The following PCDHGB2 variants were observed in gnomAD, a reference collection of about 807,000 sequenced individuals.
PCDHGB2 encodes the protein protocadherin gamma subfamily B, 2, also known as protocadherin gamma-B2.
Under a neutral mutation model 59.3 loss-of-function variants are expected in PCDHGB2, and 55 were observed. The ratio of observed to expected loss-of-function variants is 0.93; its 90% CI spans 0.75 to 1.16. The LOEUF (loss-of-function observed/expected upper bound fraction) is 1.16. PCDHGB2 is among the 50% of genes most tolerant of loss of function. The pLI is 0.00. For missense variants in PCDHGB2, 1,228 were observed against 1,198.5 expected (o/e 1.02, Z -0.36); for synonymous variants, 516 against 512.0 (o/e 1.01, Z -0.11).
intron 1 of PCDHGB2, among the ~76,000 whole-genome samples, chr5:141,481,620 C>G (rs1449979532): frequency 6.6e-6 from 1 of 152,112 alleles, no homozygotes; most frequent in African/African-American, 2.4e-5. Context: ...GAGTTCAAGA[C>G]CGGCCTGGCC....
chr5:141,383,093 G>A, intron 1 of PCDHGB2: 1 of 1,613,930 alleles, frequency 6.2e-7, no homozygotes, highest in Non-Finnish European at 8.5e-7. Flanking sequence ...CGCGGAGTCC[G>A]CATCATCTCC....
At chr5:141,492,448 G>T (rs2734874) in intron 1 of PCDHGB2, among the ~76,000 whole-genome samples, 50 of 152,334 alleles carry the variant, frequency 3.3e-4, no homozygotes, top group African/African-American at 1.2e-3. Context: ...GTAGCTGATT[G>T]TGCGCGCCTG....
intron 1 of PCDHGB2, chr5:141,372,062 C>A (rs1768364404): frequency 1.2e-6 from 2 of 1,613,470 alleles, no homozygotes; most frequent in Non-Finnish European, 1.7e-6. Flanking sequence ...ACGACCGCAA[C>A]GACAATGCAC....
intron 1 of PCDHGB2, among the ~76,000 whole-genome samples, chr5:141,456,544 G>C (rs1020609068): frequency 6.6e-6 from 1 of 152,192 alleles, no homozygotes; most frequent in Non-Finnish European, 1.5e-5. Context: ...AGGGATTGTA[G>C]CCACTCGGGG....
intron 1 of PCDHGB2, chr5:141,413,266 GGA>G: frequency 6.2e-7 from 1 of 1,613,962 alleles, no homozygotes; most frequent in South Asian, 1.1e-5. Context: ...ATGGGAGGCT[GGA>G]GCCCGGCAGA....
At chr5:141,402,753 A>G (rs914241458) in intron 1 of PCDHGB2, among the ~76,000 whole-genome samples, 8 of 152,326 alleles carry the variant, frequency 5.3e-5, no homozygotes, top group Admixed American at 5.2e-4. Context: ...CTCTAAGCGA[A>G]AATCAGGACT....
At chr5:141,460,335 T>C (rs1201595717) in intron 1 of PCDHGB2, among the ~76,000 whole-genome samples, 3 of 152,194 alleles carry the variant, frequency 2.0e-5, no homozygotes, top group Non-Finnish European at 4.4e-5. Flanking sequence ...CTTATGATGA[T>C]TTTCTCCTAT....
At position 141,476,105 on chromosome 5, in the gene PCDHGB2, C is replaced by T; in HGVS notation, c.2422-18702C>T. ...ATCTGGACCCCGCTGAGAGGAACTG[C>T]TTTTGAGTGAGATGGTCCCAGAGGC... On this transcript the variant is annotated intron_variant, in intron 1 of 3. Coordinates refer to ENST00000522605, the MANE Select transcript of PCDHGB2 (RefSeq NM_018923.3). This position sits in a 1 kb window ranked among gnomAD's most constrained non-coding sequence, Gnocchi z 7.6. 2.5e-6 allele frequency: 4 copies of T among 1,585,450 alleles called. No homozygotes were observed. The highest frequency in any genetic ancestry group is 3.4e-6 in the Non-Finnish European group (4 of 1,168,874).
intron 1 of PCDHGB2, chr5:141,442,360 G>A (rs890049391): frequency 6.6e-6 from 1 of 152,272 alleles, no homozygotes; most frequent in African/African-American, 2.4e-5. Flanking sequence ...GTAGCTCTAT[G>A]ATGCCATATT....
chr5:141,423,078 C>T (rs752144906), intron 1 of PCDHGB2: 2 of 1,614,108 alleles, frequency 1.2e-6, no homozygotes, highest in Non-Finnish European at 1.7e-6. Context: ...AGCCGGGACT[C>T]TTCGCGGTGG....
At position 141,477,369 on chromosome 5, in the gene PCDHGB2, A is replaced by G; in HGVS notation, c.2422-17438A>G. The G allele has an allele frequency of 6.2e-7, 1 of 1,614,164 alleles. No individual in the cohort carries two copies. Among genetic ancestry groups the G allele is most frequent in the Non-Finnish European group, 8.5e-7 (1 of 1,180,026 alleles). ...AAAACCAGTGCAGACCTGGATCGGG[A>G]GACTGTGCCAGAATACAACCTCAGC... On this transcript the variant is annotated intron_variant, in intron 1 of 3. Transcript: ENST00000522605. The surrounding 1 kb of genome is among the most constrained non-coding windows in gnomAD (Gnocchi z 4.9).
intron 1 of PCDHGB2, among the ~76,000 whole-genome samples, chr5:141,456,379 C>A (rs181915740): frequency 1.3e-5 from 2 of 152,162 alleles, no homozygotes; most frequent in East Asian, 3.9e-4. Context: ...GTTTACAGCA[C>A]CGTTTGGAGT....
Position 141,477,856 on chromosome 5 carries a change from G to T in PCDHGB2, c.2422-16951G>T, listed in dbSNP as rs773703641. ...CAGGTGGGAGCTCGGTGGAGATGCTGCCTCGAGGTACCTCAGCTGGCCACC... is the reference window on the plus strand; with the variant it reads ...CAGGTGGGAGCTCGGTGGAGATGCTTCCTCGAGGTACCTCAGCTGGCCACC... On this transcript the variant is annotated intron_variant, in intron 1 of 3. Coordinates refer to ENST00000522605, the MANE Select transcript of PCDHGB2 (RefSeq NM_018923.3). This position sits in a 1 kb window ranked among gnomAD's most constrained non-coding sequence, Gnocchi z 4.9. 1 of 1,613,474 alleles carries T rather than the reference G, an allele frequency of 6.2e-7. No homozygotes were observed. Among genetic ancestry groups the T allele is most frequent in the Non-Finnish European group, 8.5e-7 (1 of 1,179,854 alleles).
chr5:141,467,775 C>T (rs1464827506), intron 1 of PCDHGB2, among the ~76,000 whole-genome samples: 1 of 151,960 alleles, frequency 6.6e-6, no homozygotes, highest in Non-Finnish European at 1.5e-5. Context: ...GCCCGCACCT[C>T]AGCCTCTCAA....
intron 1 of PCDHGB2, among the ~76,000 whole-genome samples, chr5:141,474,644 C>G (rs1016496399): frequency 4.6e-5 from 7 of 152,180 alleles, no homozygotes; most frequent in Non-Finnish European, 1.0e-4. Flanking sequence ...CCTATATATC[C>G]TTACTTCTTT....
intron 1 of PCDHGB2, chr5:141,394,322 G>A (rs1438978424): frequency 1.9e-6 from 3 of 1,613,842 alleles, no homozygotes; most frequent in African/African-American, 1.3e-5. Flanking sequence ...CCCTGTCCTC[G>A]TATATCTCCA....
Position 141,476,641 on chromosome 5 carries a change from C to A in PCDHGB2, c.2422-18166C>A, listed in dbSNP as rs1183948220. The A allele has an allele frequency of 1.2e-6, 2 of 1,614,256 alleles. No homozygotes were observed. The highest frequency in any genetic ancestry group is 1.7e-5 in the Admixed American group (1 of 60,030). On this transcript the variant is annotated intron_variant, in intron 1 of 3. Transcript: ENST00000522605. This position sits in a 1 kb window ranked among gnomAD's most constrained non-coding sequence, Gnocchi z 7.6. ...ACTCTTTACAAACCTATGAGCTGAG[C>A]CGAAATGAATACTTTGCGCTTCGCG... is the stretch of plus-strand genomic sequence containing the variant.
chr5:141,381,143 G>A (rs1277267624), intron 1 of PCDHGB2, among the ~76,000 whole-genome samples: 1 of 152,184 alleles, frequency 6.6e-6, no homozygotes, highest in Non-Finnish European at 1.5e-5. Flanking sequence ...CCACCAGAAA[G>A]CAGAAATAGG....
chr5:141,408,655 A>G (rs778418746), intron 1 of PCDHGB2: 1 of 1,613,928 alleles, frequency 6.2e-7, no homozygotes, highest in African/African-American at 1.3e-5. Flanking sequence ...CTGGTACACG[A>G]CTATCGCTTG....
Sources: gnomAD v4.1 joint callset for allele counts (sites outside exome capture counted in the v4.1 genomes callset) on GRCh38, gnomAD v4.1.1 for gene constraint, Gnocchi (gnomAD v3.1) non-coding constraint, MANE v1.5 for transcripts, NCBI Gene and HGNC (gene_info 2026-07-23, HGNC 2026-07-21) for gene names.